UTRN: variants seen among roughly 807,000 people sequenced by gnomAD.
UTRN encodes utrophin, also known as dystrophin-related protein 1.
Under a neutral mutation model 463.9 loss-of-function variants are expected in UTRN, and 283 were observed. The observed-to-expected ratio is 0.61, with a 90% confidence interval of 0.55 to 0.67. UTRN has a LOEUF of 0.67. Ranked by LOEUF, UTRN falls within the 30% of genes least tolerant of loss-of-function variation. The pLI, the probability that UTRN is intolerant of heterozygous loss-of-function variation, is 0.00. For synonymous variants in UTRN, 1,442 were observed against 1,431.5 expected, an observed-to-expected ratio of 1.01 and a Z score of -0.17; for missense variants, 3,922 against 4,084.3, an observed-to-expected ratio of 0.96 and a Z score of 1.08.
intron 65 of UTRN, among the ~76,000 whole-genome samples, chr6:144,817,949 GTTGT>G (rs1169964256): frequency 1.3e-5 from 2 of 152,248 alleles, no homozygotes; most frequent in East Asian, 1.9e-4. Flanking sequence ...ACAGCAAGTA[GTTGT>G]TTGTTATTTT....
intron 47 of UTRN, among the ~76,000 whole-genome samples, chr6:144,550,107 T>C (rs1380428394): frequency 6.6e-6 from 1 of 152,088 alleles, no homozygotes; most frequent in African/African-American, 2.4e-5. Flanking sequence ...TAGAAGAAAT[T>C]GAGTGTGAAT....
At chr6:144,702,972 G>A (rs1006971528) in intron 53 of UTRN, among the ~76,000 whole-genome samples, 14 of 152,162 alleles carry the variant, frequency 9.2e-5, no homozygotes, top group Non-Finnish European at 1.6e-4. Flanking sequence ...CTATAGTGCT[G>A]TGATCTAATA....
At chr6:144,626,274 C>T (rs190649288) in intron 51 of UTRN, among the ~76,000 whole-genome samples, 22 of 152,294 alleles carry the variant, frequency 1.4e-4, no homozygotes, top group African/African-American at 4.1e-4. Flanking sequence ...CTCCTTATCA[C>T]AGGGTCAGTA....
Position 144,459,192 on chromosome 6 carries a change from C to G in UTRN, c.2545C>G (p.Leu849Val), listed in dbSNP as rs1316466112. 1 of 1,612,052 alleles carries G rather than the reference C, an allele frequency of 6.2e-7. No individual in the cohort carries two copies. The highest frequency in any genetic ancestry group is 2.2e-5 in the East Asian group (1 of 44,866). ...DSCQRELTNL[L>V]GLHPKIEMAR... is the part of the protein sequence containing the mutation. ...TCCTTAGCGGGAATTGACAAATCTTCTTGGCCTTCACCCCAAAATTGAAAT... is the reference window on the plus strand; with the variant it reads ...TCCTTAGCGGGAATTGACAAATCTTGTTGGCCTTCACCCCAAAATTGAAAT... Residue 849 changes from leucine to valine, a missense_variant, in exon 21 of 75, where the codon CTT becomes GTT. Physicochemically the swap from Leu to Val is conservative, Grantham distance 32 (BLOSUM62 1). Coordinates refer to ENST00000367545, the MANE Select transcript of UTRN (RefSeq NM_007124.3).
chr6:144,824,621 T>C (rs1779991083), intron 66 of UTRN, among the ~76,000 whole-genome samples: 2 of 99,102 alleles, frequency 2.0e-5, no homozygotes, highest in African/African-American at 4.2e-5. Flanking sequence ...TATCTTTTTT[T>C]TTTTTTTTTT....
At chr6:144,784,117 T>TA in intron 61 of UTRN, among the ~76,000 whole-genome samples, 1 of 152,326 alleles carries the variant, frequency 6.6e-6, no homozygotes. Flanking sequence ...GCTAAATTCA[T>TA]AGAATACTTA....
At chr6:144,828,375 T>C (rs1780372332) in intron 68 of UTRN, among the ~76,000 whole-genome samples, 1 of 152,164 alleles carries the variant, frequency 6.6e-6, no homozygotes, top group African/African-American at 2.4e-5. Context: ...TGAGGTCTGA[T>C]AATGAAAAAC....
chr6:144,298,597 T>A (rs1389728830), intron 2 of UTRN, among the ~76,000 whole-genome samples: 2 of 152,234 alleles, frequency 1.3e-5, no homozygotes, highest in African/African-American at 2.4e-5. Flanking sequence ...AAAATGCAGA[T>A]CTGTCTTTCA....
chr6:144,761,866 G>A (rs529719202), intron 58 of UTRN, among the ~76,000 whole-genome samples: 1 of 152,158 alleles, frequency 6.6e-6, no homozygotes, highest in African/African-American at 2.4e-5. Context: ...CTTTGGGTTC[G>A]GTTGAACTTT....
chr6:144,764,900 C>T (rs1003956324), intron 58 of UTRN, among the ~76,000 whole-genome samples: 1 of 152,206 alleles, frequency 6.6e-6, no homozygotes, highest in African/African-American at 2.4e-5. Context: ...ATCCCCTCAA[C>T]TGTTGTGGGA....
At chr6:144,421,470 A>G (rs889547947) in intron 3 of UTRN, among the ~76,000 whole-genome samples, 8 of 151,932 alleles carry the variant, frequency 5.3e-5, no homozygotes, top group African/African-American at 1.9e-4. Flanking sequence ...TGGGCGGATC[A>G]TGAGGTCAGG....
intron 2 of UTRN, among the ~76,000 whole-genome samples, chr6:144,294,515 G>C (rs1441921931): frequency 6.6e-6 from 1 of 151,750 alleles, no homozygotes; most frequent in Non-Finnish European, 1.5e-5. Flanking sequence ...ATGCCAAATT[G>C]GTTGCTTTTC....
Position 144,495,665 on chromosome 6 carries a change from G to A in UTRN, c.4593+2209G>A, listed in dbSNP as rs191156036. Among the ~76,000 whole-genome samples the A allele has an allele frequency of 4.1e-3, 624 of 152,364 alleles. 5 individuals are homozygous for A. Among genetic ancestry groups the A allele is most frequent in the African/African-American group, 0.013 (537 of 41,594 alleles). On this transcript the variant is annotated intron_variant, in intron 33 of 74. Transcript: ENST00000367545. The stretch of plus-strand genomic sequence containing the variant: ...CCCAGGCAGAGGAGGCGCCGAGAGC[G>A]AGCGAGGGCTGTGAGGACTGCCAGC...
At chr6:144,683,930 C>T (rs1294437144) in intron 52 of UTRN, among the ~76,000 whole-genome samples, 1 of 152,142 alleles carries the variant, frequency 6.6e-6, no homozygotes, top group Non-Finnish European at 1.5e-5. Flanking sequence ...CTTTCAACAA[C>T]ATCTCCTTAG....
rs1791011854 is a variant in UTRN, at chr6:144,474,730, C to A, written c.3307C>A (p.Gln1103Lys). 1 of 1,613,498 alleles carries A rather than the reference C, an allele frequency of 6.2e-7. No homozygotes were observed. The highest frequency in any genetic ancestry group is 8.5e-7 in the Non-Finnish European group (1 of 1,179,856). Residue 1103 changes from glutamine to lysine, a missense_variant, in exon 25 of 75, where the codon CAA becomes AAA. Around this residue, in one of 3 missense-constraint regions of UTRN, gnomAD observed 2,349 missense variants for 2,303.8 expected, o/e 1.02. Transcript: ENST00000367545. ...TWVQTRLGDY[Q>K]TQLEKLSKEI... ...GGTGCAGACAAGACTAGGTGACTAC[C>A]AAACTCAACTGGAGAAACTTAGCAA...
At chr6:144,534,735 A>G (rs1442546121) in intron 43 of UTRN, among the ~76,000 whole-genome samples, 1 of 152,240 alleles carries the variant, frequency 6.6e-6, no homozygotes, top group African/African-American at 2.4e-5. Flanking sequence ...AGAAGAAGAA[A>G]ATGATGAAAG....
intron 69 of UTRN, among the ~76,000 whole-genome samples, chr6:144,829,173 T>A (rs1473062218): frequency 1.3e-5 from 2 of 152,170 alleles, no homozygotes; most frequent in African/African-American, 4.8e-5. Flanking sequence ...TTCTTATTAA[T>A]TTAACAAAGG....
At chr6:144,658,299 A>G (rs1222976190) in intron 51 of UTRN, among the ~76,000 whole-genome samples, 2 of 152,380 alleles carry the variant, frequency 1.3e-5, no homozygotes, top group South Asian at 2.1e-4. Flanking sequence ...ATAGATGGGC[A>G]TATGTAAAAC....
At chr6:144,393,959 T>G (rs1003859879) in intron 2 of UTRN, among the ~76,000 whole-genome samples, 15 of 152,212 alleles carry the variant, frequency 9.9e-5, no homozygotes, top group African/African-American at 3.4e-4. Context: ...GAGACTCTCC[T>G]GTCTGGAAGA....
Sources: allele counts gnomAD v4.1 joint callset (sites outside exome capture counted in the v4.1 genomes callset), GRCh38; gene constraint gnomAD v4.1.1; regional missense constraint gnomAD v4.1.1; transcripts MANE v1.5; gene names NCBI Gene and HGNC (gene_info 2026-07-23, HGNC 2026-07-21).